Variants in MPP3 observed in about 807,000 individuals in gnomAD.
MPP3 encodes MAGUK p55 subfamily member 3.
MPP3 carries 48 observed loss-of-function variants against 80.7 expected under a neutral mutation model. The observed-to-expected ratio is 0.59, with a 90% CI of 0.47 to 0.76. MPP3 has a LOEUF of 0.76. Among genes scored for constraint, MPP3 ranks in the 30% least tolerant of loss-of-function variants. The pLI is 0.00. For synonymous variants in MPP3, 311 were observed against 297.6 expected, an observed-to-expected ratio of 1.04 and a Z score of -0.46; for missense variants, 620 against 763.0, an observed-to-expected ratio of 0.81 and a Z score of 2.21.
At chr17:43,817,885 C>T in intron 12 of MPP3, 161 bp downstream of exon 12, 1 of 401,500 alleles carries the variant, frequency 2.5e-6, no homozygotes, top group Non-Finnish European at 4.6e-6. Context: ...TAGCTGCCCC[C>T]CACCTCCTAC....
intron 11 of MPP3, 89 bp downstream of exon 11, chr17:43,820,773 G>T: frequency 7.9e-7 from 1 of 1,261,874 alleles, no homozygotes; most frequent in Non-Finnish European, 1.1e-6. Context: ...AGGCCCCTCT[G>T]GCTGTGAGGG....
At chr17:43,826,842 T>TC (rs2045723448) in intron 8 of MPP3, among the ~76,000 whole-genome samples, 11 of 142,642 alleles carry the variant, frequency 7.7e-5, no homozygotes, top group South Asian at 2.1e-4. Context: ...TTTTTTTTTT[T>TC]TTCTTTTTTT....
At chr17:43,805,603 T>C (rs1398573604) in intron 19 of MPP3, among the ~76,000 whole-genome samples, 1 of 152,204 alleles carries the variant, frequency 6.6e-6, no homozygotes, top group African/African-American at 2.4e-5. Context: ...TACAATGGAA[T>C]GTTATTCAGC....
intron 16 of MPP3, 85 bp from the exon 17 acceptor site, chr17:43,811,290 G>C: frequency 9.9e-7 from 1 of 1,006,202 alleles, no homozygotes; most frequent in Admixed American, 1.8e-5. Flanking sequence ...ACTCATTTGG[G>C]AGTTCACTGC....
At chr17:43,832,703 GGCCCCGGGCCCTCCAGCCTCC>G (rs2046026177) in intron 2 of MPP3, 37 bp downstream of exon 2, 1 of 152,594 alleles carries the variant, frequency 6.6e-6, no homozygotes, top group African/African-American at 2.4e-5. Context: ...GCGTAAGAGC[GGCCCCGGGCCCTCCAGCCTCC>G]GCCCCGCCCC....
intron 14 of MPP3, among the ~76,000 whole-genome samples, chr17:43,815,187 C>G (rs1365632146): frequency 6.6e-6 from 1 of 151,958 alleles, no homozygotes; most frequent in Non-Finnish European, 1.5e-5. Context: ...CAAAAATTAG[C>G]CAGGTATAGT....
At position 43,808,963 on chromosome 17, in the gene MPP3, G is replaced by A. The variant is rs779250773; in HGVS notation, c.1574C>T (p.Ala525Val). ...PMSPACEDTA[A>V]PFDEQQQEMA... ...AATCAACTTTAAACTTACAAATGGG[G>A]CTGCTGTGTCCTCACAAGCTGGGGA... Residue 525 changes from alanine (A) to valine (V), a missense_variant, in exon 19 of 20, where the codon GCC becomes GTC. Physicochemically the swap from Ala to Val is moderately conservative, Grantham distance 64. Transcript: ENST00000398389. 42 of 1,597,564 alleles carry A rather than the reference G, an allele frequency of 2.6e-5. No homozygotes were observed. The highest frequency in any genetic ancestry group is 3.6e-5 in the Non-Finnish European group (42 of 1,176,104).
chr17:43,810,745 T>G lies in MPP3; in HGVS notation c.1458+62A>C, dbSNP rs934591662. On this transcript the variant is annotated intron_variant, in intron 18 of 19. Coordinates refer to ENST00000398389, the MANE Select transcript of MPP3 (RefSeq NM_001932.6). ...GACTGAGGTTAAGTGTTGTGTAAAA[T>G]GTACAATCCCCTAGTTATAAATTCC... The G allele has an allele frequency of 3.8e-5, 43 of 1,143,674 alleles. No individual in the cohort carries two copies. The East Asian group carries it at 4.5e-4, about 12-fold the overall frequency. 70.8% of individuals were successfully genotyped at this position (1,143,674 alleles called of 1,614,324 possible).
At chr17:43,803,128 T>C (rs923986821) in intron 19 of MPP3, among the ~76,000 whole-genome samples, 3 of 152,142 alleles carry the variant, frequency 2.0e-5, no homozygotes, top group Non-Finnish European at 2.9e-5. Context: ...AGAAGCCCTA[T>C]CCCGTAACTG....
At chr17:43,817,897 T>G (rs1465065377) in intron 12 of MPP3, 149 bp downstream of exon 12, 1 of 320,028 alleles carries the variant, frequency 3.1e-6, no homozygotes, top group Non-Finnish European at 5.9e-6. Flanking sequence ...ACCTCCTACT[T>G]CCCACCCCCT....
At chr17:43,808,839 T>C (rs928048054) in intron 19 of MPP3, 117 bp downstream of exon 19, 12 of 1,174,754 alleles carry the variant, frequency 1.0e-5, no homozygotes, top group Non-Finnish European at 1.4e-5. Context: ...GACAATCACA[T>C]GTAGAAGGTG....
chr17:43,801,985 G>T, intron 19 of MPP3, 108 bp from the exon 20 acceptor site: 1 of 1,110,564 alleles, frequency 9.0e-7, no homozygotes, highest in Non-Finnish European at 1.3e-6. Context: ...AGTGATGAGT[G>T]GATGACTAGG....
Position 43,829,748 on chromosome 17 carries a change from T to C in MPP3, c.347A>G (p.Asp116Gly). 1 of 1,605,804 alleles carries C rather than the reference T, an allele frequency of 6.2e-7. No homozygotes were observed. The highest frequency in any genetic ancestry group is 8.5e-7 in the Non-Finnish European group (1 of 1,175,768). ...VHDTVAQKNF[D>G]PVLPPLPDNI... is the part of the protein sequence containing the mutation. ...GTCAGGCAGAGGCGGGAGAACGGGG[T>C]CAAAATTCTTCTGGGCAACCGTGTC... Residue 116 changes from aspartate to glycine, a missense_variant, in exon 7 of 20, where the codon GAC becomes GGC. Transcript: ENST00000398389.
chr17:43,821,080 G>A, intron 10 of MPP3, 22 bp from the exon 11 acceptor site: 1 of 1,610,598 alleles, frequency 6.2e-7, no homozygotes, highest in Non-Finnish European at 8.5e-7. Context: ...GGGCTCTGGT[G>A]AGGCGGCCCT....
intron 9 of MPP3, 125 bp from the exon 10 acceptor site, chr17:43,824,130 A>G: frequency 3.2e-6 from 2 of 622,418 alleles, no homozygotes; most frequent in Non-Finnish European, 2.8e-6. Context: ...CCTGAGGCCC[A>G]CTCTTCTAGG....
chr17:43,818,075 G>A lies in MPP3; in HGVS notation c.917C>T (p.Pro306Leu), dbSNP rs775892918. 12 of 1,576,568 alleles carry A rather than the reference G, an allele frequency of 7.6e-6. No homozygotes were observed. Among genetic ancestry groups the A allele is most frequent in the Admixed American group, 1.8e-5 (1 of 56,146 alleles). The change falls in exon 12 of 20, where the codon CCG becomes CTG. Residue 306 changes from proline (P) to leucine (L), a missense_variant. By Grantham distance (98) the Pro-to-Leu change is moderately conservative. Transcript: ENST00000398389. ...LSYRRAAGTL[P>L]SPQSLRKPPY... ...GGGCTTCCTGAGGCTCTGGGGGCTC[G>A]GCAGGGTGCCCGCGGCTCTCCGGTA...
chr17:43,826,832 T>TATATATATATATATATATA (rs1567824060), intron 8 of MPP3, among the ~76,000 whole-genome samples: 24 of 110,744 alleles, frequency 2.2e-4, no homozygotes, highest in African/African-American at 8.4e-4. Context: ...ATATATATAT[T>TATATATATATATATATATA]TTTTTTTTTT....
chr17:43,810,886 T>C lies in MPP3; in HGVS notation c.1379A>G (p.Asn460Ser). 1.2e-6 allele frequency: 2 copies of C among 1,609,052 alleles called. No individual in the cohort carries two copies. The highest frequency in any genetic ancestry group is 1.7e-6 in the Non-Finnish European group (2 of 1,178,732). The change falls in exon 18 of 20, where the codon AAT becomes AGT. Residue 460 changes from asparagine to serine, a missense_variant. Physicochemically the swap from Asn to Ser is conservative, Grantham distance 46. Transcript: ENST00000398389. The stretch of plus-strand genomic sequence containing the variant: ...GGCCTCCAGGCTGGTTCCATACAGA[T>C]TTTCCTTATATTCACCATGTTCCAG... ...KFLEHGEYKE[N>S]LYGTSLEAIQ...
At chr17:43,804,832 G>A (rs59345696) in intron 19 of MPP3, among the ~76,000 whole-genome samples, 6,070 of 152,150 alleles carry the variant, frequency 0.04, 403 homozygotes, top group African/African-American at 0.14. Flanking sequence ...CCTGGCCAAC[G>A]TGGTAAAACC....
Sources: gnomAD v4.1 joint callset for allele counts (sites outside exome capture counted in the v4.1 genomes callset) on GRCh38, gnomAD v4.1.1 for gene constraint, MANE v1.5 for transcripts, NCBI Gene and HGNC (gene_info 2026-07-23, HGNC 2026-07-21) for gene names.